The following RMC1 variants were observed in gnomAD, a reference collection of about 807,000 sequenced individuals.
RMC1 encodes regulator of MON1-CCZ1 complex.
In RMC1, 44 loss-of-function variants were observed where a neutral mutation model predicts 95.5. The ratio of observed to expected loss-of-function variants is 0.46; its 90% confidence interval spans 0.36 to 0.59. The LOEUF (loss-of-function observed/expected upper bound fraction) is 0.59. Among genes scored for constraint, RMC1 ranks in the 20% least tolerant of loss-of-function variants. The pLI is 0.00. For missense variants in RMC1, 705 were observed against 819.6 expected, an observed-to-expected ratio of 0.86 and a Z score of 1.71; for synonymous variants, 320 against 303.6, an observed-to-expected ratio of 1.05 and a Z score of -0.56.
In RMC1 at chr18:23,526,785, C is replaced by A. The variant is rs773383433; in HGVS notation, c.1189+20C>A. The A allele has an allele frequency of 1.9e-6, 3 of 1,612,146 alleles. No homozygotes were observed. In the South Asian group the frequency reaches 3.3e-5, roughly 18 times the overall value. On this transcript the variant is annotated intron_variant, in intron 13 of 19. Coordinates refer to ENST00000269221, the MANE Select transcript of RMC1 (RefSeq NM_013326.5). ...CACAGAGTAAGTTGAATCCTTCCCC[C>A]TTGCTCTGATTCCAGTGTGAGGCCT... is the stretch of plus-strand genomic sequence containing the variant.
chr18:23,515,798 G>A, intron 5 of RMC1, 58 bp from the exon 6 acceptor site: 1 of 1,605,466 alleles, frequency 6.2e-7, no homozygotes, highest in Middle Eastern at 1.7e-4. Context: ...CTCCCAAAGT[G>A]CTGGGATTAG....
chr18:23,512,037 CT>C (rs1395209293), intron 5 of RMC1, among the ~76,000 whole-genome samples: 1 of 52,428 alleles, frequency 1.9e-5, no homozygotes, highest in Non-Finnish European at 4.5e-5. Flanking sequence ...TTTTTTTTTT[CT>C]GAGACAGAGT....
intron 12 of RMC1, 117 bp downstream of exon 12, chr18:23,524,599 C>T (rs1004595068): frequency 2.7e-5 from 28 of 1,027,780 alleles, no homozygotes; most frequent in Admixed American, 2.4e-4. Flanking sequence ...TCCTTTCAAG[C>T]GTGGGAATGG....
chr18:23,509,296 T>G lies in RMC1; in HGVS notation c.408+17T>G. ...TTTTACCAGGTATTATGTTTATCAT[T>G]TATGTTTGTTGGTTAAAGTTCAGTG... On this transcript the variant is annotated intron_variant, in intron 5 of 19. Transcript: ENST00000269221. The G allele has an allele frequency of 2.3e-6, 3 of 1,318,550 alleles. No individual in the cohort carries two copies. The highest frequency in any genetic ancestry group is 3.0e-6 in the Non-Finnish European group (3 of 996,724). 81.7% of individuals were successfully genotyped at this position (1,318,550 alleles called of 1,614,324 possible). A position where few individuals can be genotyped will look rare whatever the true frequency, so the allele number is the denominator to read the frequency against.
chr18:23,521,037 TAG>T (rs959345946), intron 10 of RMC1, among the ~76,000 whole-genome samples: 1 of 152,068 alleles, frequency 6.6e-6, no homozygotes, highest in Non-Finnish European at 1.5e-5. Context: ...ATATTTTTGG[TAG>T]AGATGGGGTT....
At chr18:23,520,703 T>A (rs1652339) in intron 10 of RMC1, among the ~76,000 whole-genome samples, 26 of 152,068 alleles carry the variant, frequency 1.7e-4, no homozygotes, top group African/African-American at 5.6e-4. Context: ...TGGCATGATC[T>A]CGGCTCACTG....
chr18:23,504,633 G>T, intron 2 of RMC1, 186 bp downstream of exon 2: 1 of 526,010 alleles, frequency 1.9e-6, no homozygotes. Flanking sequence ...TTGTCAGAGT[G>T]GAATATCTGG....
intron 13 of RMC1, among the ~76,000 whole-genome samples, 194 bp downstream of exon 13, chr18:23,526,959 A>G (rs572859564): frequency 7.9e-5 from 12 of 152,340 alleles, no homozygotes; most frequent in Middle Eastern, 3.4e-3. Flanking sequence ...ATACTGGTAG[A>G]AAAGAACAAT....
chr18:23,526,832 C>T (rs772051669), intron 13 of RMC1, 67 bp downstream of exon 13: 63 of 1,568,606 alleles, frequency 4.0e-5, no homozygotes, highest in Non-Finnish European at 4.8e-5. Flanking sequence ...CACTTTTTAT[C>T]GGGATGTGGG....
chr18:23,503,692 G>A lies in RMC1; in HGVS notation c.74G>A (p.Cys25Tyr), dbSNP rs139349114. 4 of 1,593,438 alleles carry A rather than the reference G, an allele frequency of 2.5e-6. No homozygotes were observed. The African/African-American group carries it at 4.2e-5, about 17-fold the overall frequency. ...VQFEKANPVN[C>Y]VFFDEANKQV... ...TTCGAGAAGGCGAACCCTGTCAACT[G>A]CGTCTTCTTCGATGAGGCCAACAAG... is the stretch of plus-strand genomic sequence containing the variant. The change falls in exon 1 of 20, where the codon TGC (cysteine) becomes TAC (tyrosine). Residue 25 changes from cysteine to tyrosine, a missense_variant. By Grantham distance (194) the Cys-to-Tyr change is radical. Coordinates refer to ENST00000269221, the MANE Select transcript of RMC1 (RefSeq NM_013326.5).
At chr18:23,515,108 G>A (rs1162519416) in intron 5 of RMC1, among the ~76,000 whole-genome samples, 4 of 152,174 alleles carry the variant, frequency 2.6e-5, no homozygotes, top group Non-Finnish European at 5.9e-5. Context: ...AGGTGGCCGA[G>A]TTAACACATG....
intron 2 of RMC1, among the ~76,000 whole-genome samples, chr18:23,505,894 C>T (rs1322164109): frequency 6.6e-6 from 1 of 152,052 alleles, no homozygotes; most frequent in African/African-American, 2.4e-5. Flanking sequence ...AGACTGGGCG[C>T]GGTGGCTCAT....
chr18:23,525,591 A>G (rs1480476946), intron 12 of RMC1, among the ~76,000 whole-genome samples: 1 of 151,966 alleles, frequency 6.6e-6, no homozygotes, highest in Non-Finnish European at 1.5e-5. Context: ...CACCCAGCTA[A>G]TTTTTGTATT....
intron 7 of RMC1, among the ~76,000 whole-genome samples, chr18:23,518,004 C>T (rs540925407): frequency 5.3e-5 from 8 of 152,320 alleles, no homozygotes; most frequent in East Asian, 1.9e-4. Flanking sequence ...AGGCATGAGC[C>T]GCCGTGCCCA....
intron 5 of RMC1, among the ~76,000 whole-genome samples, chr18:23,510,335 A>G (rs1271531934): frequency 1.3e-5 from 2 of 151,822 alleles, no homozygotes; most frequent in African/African-American, 4.8e-5. Flanking sequence ...AAAAAAAAAC[A>G]AAAACACAAC....
intron 1 of RMC1, 123 bp downstream of exon 1, chr18:23,503,843 G>A (rs2057651601): frequency 1.2e-6 from 1 of 802,846 alleles, no homozygotes. Context: ...GTCCCAGCGC[G>A]GGAGGCGGCG....
intron 10 of RMC1, chr18:23,522,326 G>A (rs2058163391): frequency 1.3e-5 from 2 of 152,140 alleles, no homozygotes; most frequent in African/African-American, 4.8e-5. Flanking sequence ...CACTTGGCAT[G>A]AAGGTAACTG....
rs8084285 is a variant in RMC1, at chr18:23,524,335, T to C, written c.1007-94T>C. On this transcript the variant is annotated intron_variant, in intron 11 of 19. Coordinates refer to ENST00000269221, the MANE Select transcript of RMC1 (RefSeq NM_013326.5). ...CAGGGGCCTCGCGTTTAGCGTGGACTCAGTACATGGTGGGCAGGGGCGAGT... is the reference window on the plus strand; with the variant it reads ...CAGGGGCCTCGCGTTTAGCGTGGACCCAGTACATGGTGGGCAGGGGCGAGT... 3,248 of 1,510,706 alleles carry C rather than the reference T, an allele frequency of 2.1e-3. 60 individuals carry two copies. In the African/African-American group the frequency reaches 0.04, roughly 18 times the overall value. 93.6% of individuals were successfully genotyped at this position (1,510,706 alleles called of 1,614,324 possible).
intron 10 of RMC1, among the ~76,000 whole-genome samples, chr18:23,520,540 G>A (rs1788819): frequency 0.75 from 113,928 of 152,126 alleles, 43,792 homozygotes; most frequent in East Asian, 0.92. Flanking sequence ...GCTCACTACA[G>A]TCTCCACCTC....
Sources: allele counts gnomAD v4.1 joint callset (sites outside exome capture counted in the v4.1 genomes callset), GRCh38; gene constraint gnomAD v4.1.1; transcripts MANE v1.5; gene names NCBI Gene and HGNC (gene_info 2026-07-23, HGNC 2026-07-21).